ADGRD1: variants seen among roughly 807,000 people sequenced by gnomAD.
ADGRD1 encodes adhesion G protein-coupled receptor D1, also known as G-protein coupled receptor 133.
ADGRD1 carries 77 observed loss-of-function variants against 113.4 expected under a neutral mutation model. The observed-to-expected ratio is 0.68, with a 90% confidence interval of 0.57 to 0.82. ADGRD1 has a LOEUF of 0.82. Among genes scored for constraint, ADGRD1 ranks in the 40% least tolerant of loss-of-function variants. ADGRD1 has a pLI of 0.00. For missense variants in ADGRD1, 1,036 were observed against 1,139.1 expected (o/e 0.91, Z 1.30); for synonymous variants, 474 against 475.0 (o/e 1.00, Z 0.03).
rs1441492335 is a variant in ADGRD1, at chr12:131,130,784, C to T, written c.2176-941C>T. 2.6e-5 allele frequency among the ~76,000 whole-genome samples: 4 copies of T among 152,112 alleles called. No individual in the cohort carries two copies. In the East Asian group the frequency reaches 5.8e-4, roughly 22 times the overall value. ...GGAGAGCGAAGCTGGCCATCCCGTG[C>T]GGGGCCCCAGTGGCTGCCCTCCGAC... On this transcript the variant is annotated intron_variant, in intron 20 of 24. Coordinates refer to ENST00000261654, the MANE Select transcript of ADGRD1 (RefSeq NM_198827.5).
Position 131,004,280 on chromosome 12 carries a change from G to T in ADGRD1, c.1239G>T (p.Glu413Asp), listed in dbSNP as rs1876806147. The stretch of plus-strand genomic sequence containing the variant: ...AGAGCTTCATCCAGATCCCCCACGA[G>T]GCCTTCCACAGGCACGGTGAGTGTG... The part of the protein sequence containing the change: ...HGQSFIQIPH[E>D]AFHRHAWSTV... Residue 413 changes from glutamate to aspartate, a missense_variant, in exon 11 of 25, where the codon GAG becomes GAT. Glu to Asp is a conservative substitution (Grantham distance 45). Transcript: ENST00000261654. 6.2e-7 allele frequency: 1 copy of T among 1,612,714 alleles called. No homozygotes were observed. Among genetic ancestry groups the T allele is most frequent in the South Asian group, 1.1e-5 (1 of 91,042 alleles).
At chr12:130,960,053 G>T (rs570132653) in intron 2 of ADGRD1, among the ~76,000 whole-genome samples, 50 of 152,312 alleles carry the variant, frequency 3.3e-4, no homozygotes, top group Non-Finnish European at 5.3e-4. Flanking sequence ...CTCCCCAGGG[G>T]ACAGCCTTAT....
At chr12:130,976,101 C>T (rs73473204) in intron 4 of ADGRD1, among the ~76,000 whole-genome samples, 12,284 of 152,258 alleles carry the variant, frequency 0.081, 792 homozygotes, top group African/African-American at 0.18. Context: ...CTTTTTCCCC[C>T]TTTGCATTTG....
intron 21 of ADGRD1, 102 bp from the exon 22 acceptor site, chr12:131,135,935 C>T (rs371127311): frequency 5.9e-5 from 75 of 1,274,366 alleles, no homozygotes; most frequent in East Asian, 2.2e-4. Context: ...CCCGGCAGGG[C>T]GGTGCCTGCA....
chr12:131,136,217 G>A, intron 22 of ADGRD1, 54 bp downstream of exon 22: 1 of 1,602,836 alleles, frequency 6.2e-7, no homozygotes, highest in Non-Finnish European at 8.5e-7. Flanking sequence ...TCAGGAGCAG[G>A]CTTGCAGGGA....
intron 5 of ADGRD1, 116 bp downstream of exon 5, chr12:130,982,179 G>C: frequency 1.2e-6 from 1 of 868,118 alleles, no homozygotes; most frequent in South Asian, 1.7e-5. Context: ...GCTGCCTCCT[G>C]GCACCCGAGC....
intron 21 of ADGRD1, among the ~76,000 whole-genome samples, chr12:131,132,198 C>T (rs1950948476): frequency 6.6e-6 from 1 of 152,202 alleles, no homozygotes; most frequent in Non-Finnish European, 1.5e-5. Context: ...AGCCCCTCAG[C>T]ACCTCGCCTT....
intron 15 of ADGRD1, among the ~76,000 whole-genome samples, chr12:131,100,768 A>G (rs1632639): frequency 0.26 from 39,521 of 152,132 alleles, 6,287 homozygotes; most frequent in East Asian, 0.66. Flanking sequence ...GATGTTTTAG[A>G]GAGTTGGCTG....
At chr12:131,127,023 G>T (rs1950752072) in intron 20 of ADGRD1, among the ~76,000 whole-genome samples, 1 of 150,440 alleles carries the variant, frequency 6.6e-6, no homozygotes, top group Admixed American at 6.6e-5. Flanking sequence ...GCCATGGTGA[G>T]CCGCTCCTCC....
intron 18 of ADGRD1, among the ~76,000 whole-genome samples, chr12:131,111,616 T>G (rs1444387037): frequency 6.6e-6 from 1 of 150,530 alleles, no homozygotes; most frequent in Non-Finnish European, 1.5e-5. Flanking sequence ...TCTTCATTGT[T>G]TTTTTTTTCT....
At position 131,041,090 on chromosome 12, in the gene ADGRD1, T is replaced by C. The variant is rs1018677762; in HGVS notation, c.1473+26750T>C. On this transcript the variant is annotated intron_variant, in intron 13 of 24. Coordinates refer to ENST00000261654, the MANE Select transcript of ADGRD1 (RefSeq NM_198827.5). This position sits in a 1 kb window ranked among gnomAD's most constrained non-coding sequence, Gnocchi z 4.4. ...CCTGTGGTGATGATGCCACCATTTC[T>C]CTGATGCCCTCACTTGTCCTGGGGT... Among the ~76,000 whole-genome samples the C allele has an allele frequency of 6.6e-6, 1 of 152,190 alleles. No homozygotes were observed. The highest frequency in any genetic ancestry group is 1.5e-5 in the Non-Finnish European group (1 of 68,022).
At chr12:130,996,505 G>A (rs1418188298) in intron 8 of ADGRD1, among the ~76,000 whole-genome samples, 3 of 122,908 alleles carry the variant, frequency 2.4e-5, no homozygotes, top group Admixed American at 7.7e-5. Flanking sequence ...CTCACCTCCT[G>A]GACGGGGCGG....
intron 12 of ADGRD1, among the ~76,000 whole-genome samples, chr12:131,009,561 G>A (rs543543568): frequency 6.6e-6 from 1 of 152,326 alleles, no homozygotes; most frequent in East Asian, 1.9e-4. Context: ...TAGGAGACAC[G>A]TGGTAGAGAT....
chr12:131,042,126 A>T (rs924032435), intron 13 of ADGRD1, among the ~76,000 whole-genome samples: 5 of 152,230 alleles, frequency 3.3e-5, no homozygotes, highest in African/African-American at 1.2e-4. Context: ...GCCCACAGGG[A>T]TATTTTTTTA....
chr12:131,057,480 G>C lies in ADGRD1; in HGVS notation c.1474-19321G>C, dbSNP rs1184624079. On this transcript the variant is annotated intron_variant, in intron 13 of 24. Coordinates refer to ENST00000261654, the MANE Select transcript of ADGRD1 (RefSeq NM_198827.5). This position sits in a 1 kb window ranked among gnomAD's most constrained non-coding sequence, Gnocchi z 4.2. ...GCAGCTCTTGAGTCCACGAGTCTGA[G>C]ACAAAGGCGTTGGCAGAGCTAGTTC... Among the ~76,000 whole-genome samples the C allele has an allele frequency of 3.9e-5, 6 of 152,122 alleles. No individual in the cohort carries two copies. Among genetic ancestry groups the C allele is most frequent in the Non-Finnish European group, 7.3e-5 (5 of 68,030 alleles).
rs78747289 is a variant in ADGRD1, at chr12:131,104,487, C to G, written c.1672-344C>G. 7.9e-5 allele frequency among the ~76,000 whole-genome samples: 12 copies of G among 152,306 alleles called. No individual in the cohort carries two copies. The East Asian group carries it at 2.3e-3, about 29-fold the overall frequency. ...GGACTTGAACCCGGGAGGTCTGGCT[C>G]TGGGGCTGACTGTTAGTCTGCAGCC... is the stretch of plus-strand genomic sequence containing the variant. On this transcript the variant is annotated intron_variant, in intron 15 of 24. Transcript: ENST00000261654.
At chr12:131,126,747 T>C (rs1343149468) in intron 20 of ADGRD1, among the ~76,000 whole-genome samples, 1 of 152,202 alleles carries the variant, frequency 6.6e-6, no homozygotes, top group Non-Finnish European at 1.5e-5. Context: ...CAGTGAGGCC[T>C]GTGAGTTGTT....
At chr12:131,023,241 C>G (rs1879535028) in intron 13 of ADGRD1, 1 of 152,256 alleles carries the variant, frequency 6.6e-6, no homozygotes, top group Non-Finnish European at 1.5e-5. Context: ...GCCTCCCTTC[C>G]TGTAGTGTCA....
rs756490150 is a variant in ADGRD1 at position 131,003,217 on chromosome 12, T to C, written c.1059T>C (p.Thr353=). 2 of 1,614,080 alleles carry C rather than the reference T, an allele frequency of 1.2e-6. No individual in the cohort carries two copies. The highest frequency in any genetic ancestry group is 3.3e-5 in the Admixed American group (2 of 60,030). The change falls in exon 10 of 25, where the codon ACT becomes ACC. Residue 353 remains threonine, a synonymous_variant. Coordinates refer to ENST00000261654, the MANE Select transcript of ADGRD1 (RefSeq NM_198827.5). The surrounding 1 kb of genome is among the most constrained non-coding windows in gnomAD (Gnocchi z 4.8). ...DSAVVLSLID[T]IDTVMGHVSS... ...CCGTGGTACTGAGTCTCATCGACAC[T>C]ATTGACACCGTCATGGGCCATGTAT...
Sources: allele counts gnomAD v4.1 joint callset (sites outside exome capture counted in the v4.1 genomes callset), GRCh38; gene constraint gnomAD v4.1.1; non-coding constraint Gnocchi (gnomAD v3.1); transcripts MANE v1.5; gene names NCBI Gene and HGNC (gene_info 2026-07-23, HGNC 2026-07-21).